Variants in DYNC2H1 observed in about 807,000 individuals in gnomAD.
DYNC2H1 encodes the protein cytoplasmic dynein 2 heavy chain 1.
A neutral mutation model predicts 570.0 loss-of-function variants in DYNC2H1; 410 were observed. That is an observed-to-expected ratio of 0.72 (90% confidence interval 0.66 to 0.78). The LOEUF (loss-of-function observed/expected upper bound fraction) is 0.78, where lower values mean the gene tolerates loss of function less well. DYNC2H1 is among the 30% of genes least tolerant of loss of function. The pLI, the probability that DYNC2H1 is intolerant of heterozygous loss-of-function variation, is 0.00. For synonymous variants in DYNC2H1, 1,688 were observed against 1,677.6 expected, an observed-to-expected ratio of 1.01 and a Z score of -0.15; for missense variants, 4,865 against 5,046.4, an observed-to-expected ratio of 0.96 and a Z score of 1.09.
At position 103,277,722 on chromosome 11, in the gene DYNC2H1, C is replaced by T. The variant is rs1865968798; in HGVS notation, c.10696-2626C>T. 6.6e-6 allele frequency among the ~76,000 whole-genome samples: 1 copy of T among 152,100 alleles called. No individual in the cohort carries two copies. The highest frequency in any genetic ancestry group is 2.1e-4 in the South Asian group (1 of 4,826). ...GCTTGCCTCGACTCTTACCAGGTAA[C>T]CTAGTGACATCATGATTAGTTCTGT... On this transcript the variant is annotated intron_variant, in intron 70 of 88. Coordinates refer to ENST00000375735, the MANE Select transcript of DYNC2H1 (RefSeq NM_001377.3). This position sits in a 1 kb window ranked among gnomAD's most constrained non-coding sequence, Gnocchi z 4.3.
chr11:103,368,177 G>A (rs908979066), intron 83 of DYNC2H1, among the ~76,000 whole-genome samples: 1 of 152,146 alleles, frequency 6.6e-6, no homozygotes, highest in African/African-American at 2.4e-5. Flanking sequence ...AGAAAACTCT[G>A]TACTTTTAAA....
chr11:103,114,372 G>T, intron 3 of DYNC2H1, 134 bp downstream of exon 3: 3 of 1,018,016 alleles, frequency 2.9e-6, no homozygotes, highest in South Asian at 4.0e-5. Flanking sequence ...TAAAAAATGA[G>T]TAGATTTATG....
rs1190958452 is a variant in DYNC2H1, at chr11:103,153,372, G to A, written c.3166G>A (p.Ala1056Thr). 6.5e-7 allele frequency: 1 copy of A among 1,549,044 alleles called. No homozygotes were observed. The highest frequency in any genetic ancestry group is 8.7e-7 in the Non-Finnish European group (1 of 1,146,400). The change falls in exon 22 of 89, where the codon GCT (alanine) becomes ACT (threonine). Residue 1056 changes from alanine to threonine, a missense_variant. Physicochemically the swap from Ala to Thr is moderately conservative, Grantham distance 58 (BLOSUM62 0). This residue lies in a region of DYNC2H1 where 1,936 missense variants were observed against 1,962.1 expected (regional missense o/e 0.99). Coordinates refer to ENST00000375735, the MANE Select transcript of DYNC2H1 (RefSeq NM_001377.3). Reference protein sequence around the residue: ...IYYQELEKFKARWDQLKPGDD... With the variant: ...IYYQELEKFKTRWDQLKPGDD... ...TTATCAAGAACTGGAAAAATTTAAA[G>A]CTCGTTGGGACCAACTAAAGCCTGG...
Position 103,310,424 on chromosome 11 carries a change from C to G in DYNC2H1, c.11494-1454C>G, listed in dbSNP as rs1867521773. On this transcript the variant is annotated intron_variant, in intron 78 of 88. Transcript: ENST00000375735. ...TAGTATTTTTGTTTCATTTATTTTT[C>G]AGTCTGTACTTATATGTGATTTTCT... Among the ~76,000 whole-genome samples, 3 of 151,794 alleles carry G rather than the reference C, an allele frequency of 2.0e-5. No individual in the cohort carries two copies. In the South Asian group the frequency reaches 6.2e-4, roughly 31 times the overall value.
chr11:103,384,063 T>G (rs193077953), intron 83 of DYNC2H1, among the ~76,000 whole-genome samples: 1 of 152,342 alleles, frequency 6.6e-6, no homozygotes, highest in Admixed American at 6.5e-5. Flanking sequence ...TGGCCCACTA[T>G]GCAATAACAT....
At chr11:103,313,993 A>G (rs1937661746) in intron 79 of DYNC2H1, among the ~76,000 whole-genome samples, 1 of 152,190 alleles carries the variant, frequency 6.6e-6, no homozygotes, top group Non-Finnish European at 1.5e-5. Context: ...TAATATATCA[A>G]TTAATCCTGA....
In DYNC2H1 at chr11:103,157,836, A is replaced by G. The variant is rs1179196416; in HGVS notation, c.4128-841A>G. 1.3e-5 allele frequency among the ~76,000 whole-genome samples: 2 copies of G among 151,922 alleles called. No homozygotes were observed. Among genetic ancestry groups the G allele is most frequent in the Non-Finnish European group, 2.9e-5 (2 of 67,982 alleles). On this transcript the variant is annotated intron_variant, in intron 26 of 88. Transcript: ENST00000375735. This position sits in a 1 kb window ranked among gnomAD's most constrained non-coding sequence, Gnocchi z 4.2. ...TGATCTGCTCCTTGTTCATTTCTCT[A>G]TCCTTTTCTTGTGCTGCTCTCCATT...
intron 85 of DYNC2H1, among the ~76,000 whole-genome samples, chr11:103,450,931 C>T (rs541201839): frequency 1.3e-5 from 2 of 152,192 alleles, no homozygotes; most frequent in East Asian, 1.9e-4. Flanking sequence ...TAGGTTCATA[C>T]TGTGTATACA....
Position 103,446,606 on chromosome 11 carries a change from A to G in DYNC2H1, c.12457-8580A>G, listed in dbSNP as rs1266436586. Among the ~76,000 whole-genome samples, 2 of 152,214 alleles carry G rather than the reference A, an allele frequency of 1.3e-5. No homozygotes were observed. Among genetic ancestry groups the G allele is most frequent in the Non-Finnish European group, 2.9e-5 (2 of 68,036 alleles). On this transcript the variant is annotated intron_variant, in intron 85 of 88. Transcript: ENST00000375735. This position sits in a 1 kb window ranked among gnomAD's most constrained non-coding sequence, Gnocchi z 4.5. ...GACAGTTTTTTCAGGGAGTTGTGTT[A>G]TGAAGTAACACAGATGAATAGAGTG... is the stretch of plus-strand genomic sequence containing the variant.
intron 83 of DYNC2H1, among the ~76,000 whole-genome samples, chr11:103,372,788 A>AT (rs1941226252): frequency 1.3e-5 from 2 of 151,872 alleles, no homozygotes; most frequent in African/African-American, 4.8e-5. Context: ...CTTCCTCTTT[A>AT]TTTTTTTGGA....
chr11:103,122,960 G>A lies in DYNC2H1; in HGVS notation c.1621G>A (p.Asp541Asn), dbSNP rs530579017. 2.5e-6 allele frequency: 4 copies of A among 1,591,256 alleles called. No individual in the cohort carries two copies. In the South Asian group the frequency reaches 3.5e-5, roughly 14 times the overall value. The change falls in exon 11 of 89, where the codon GAT (aspartate) becomes AAT (asparagine). Residue 541 changes from aspartate to asparagine, a missense_variant. By Grantham distance (23) the Asp-to-Asn change is conservative. Coordinates refer to ENST00000375735, the MANE Select transcript of DYNC2H1 (RefSeq NM_001377.3). ...EQEQFDDWSRDIQSGLSDSRS... is the reference protein window; with the variant it reads ...EQEQFDDWSRNIQSGLSDSRS... The stretch of plus-strand genomic sequence containing the variant: ...GGAACAATTTGATGATTGGTCCAGG[G>A]ATATTCAATCAGGTTTATCTGATTC...
chr11:103,173,618 T>C (rs530241596), intron 35 of DYNC2H1, among the ~76,000 whole-genome samples: 90 of 152,228 alleles, frequency 5.9e-4, no homozygotes, highest in Non-Finnish European at 1.1e-3. Context: ...ACTACTGTTC[T>C]TTGGAAAGAA....
chr11:103,445,628 G>A lies in DYNC2H1; in HGVS notation c.12457-9558G>A, dbSNP rs114509174. ...ATTTGGCTATGGGGCATGGGAGAGA[G>A]ATATCAAACGTGATTTCAAAGTTTT... On this transcript the variant is annotated intron_variant, in intron 85 of 88. Coordinates refer to ENST00000375735, the MANE Select transcript of DYNC2H1 (RefSeq NM_001377.3). 4.9e-3 allele frequency among the ~76,000 whole-genome samples: 741 copies of A among 152,190 alleles called. 3 individuals carry two copies. Among genetic ancestry groups the A allele is most frequent in the African/African-American group, 0.017 (709 of 41,550 alleles).
intron 84 of DYNC2H1, among the ~76,000 whole-genome samples, chr11:103,411,801 G>T (rs1332668310): frequency 1.3e-5 from 2 of 151,744 alleles, no homozygotes; most frequent in Non-Finnish European, 1.5e-5. Context: ...ATTTATGTAG[G>T]ATGCAGATAA....
At position 103,369,725 on chromosome 11, in the gene DYNC2H1, C is replaced by T. The variant is rs914457451; in HGVS notation, c.12156+11366C>T. Among the ~76,000 whole-genome samples the T allele has an allele frequency of 2.6e-5, 4 of 152,192 alleles. No individual in the cohort carries two copies. The East Asian group carries it at 7.7e-4, about 29-fold the overall frequency. On this transcript the variant is annotated intron_variant, in intron 83 of 88. Coordinates refer to ENST00000375735, the MANE Select transcript of DYNC2H1 (RefSeq NM_001377.3). The surrounding 1 kb of genome is among the most constrained non-coding windows in gnomAD (Gnocchi z 4.0). Reference sequence around the variant, plus strand: ...GACACTCACTGCATCAGAAAGCAACCTGCTGCCTTGAAGGGAAGTACCCAA... The same window carrying T: ...GACACTCACTGCATCAGAAAGCAACTTGCTGCCTTGAAGGGAAGTACCCAA...
At chr11:103,148,723 A>G in intron 20 of DYNC2H1, 106 bp downstream of exon 20, 1 of 1,340,808 alleles carries the variant, frequency 7.5e-7, no homozygotes, top group Admixed American at 2.5e-5. Context: ...TCTCAACATT[A>G]TAAGGAGGTC....
chr11:103,456,497 A>G, intron 87 of DYNC2H1, 141 bp downstream of exon 87: 2 of 557,988 alleles, frequency 3.6e-6, no homozygotes, highest in Non-Finnish European at 5.8e-6. Flanking sequence ...GTGAAAAATC[A>G]AAATAAGATT....
intron 82 of DYNC2H1, among the ~76,000 whole-genome samples, chr11:103,357,176 C>T (rs922380149): frequency 2.0e-5 from 3 of 151,818 alleles, no homozygotes; most frequent in Non-Finnish European, 4.4e-5. Context: ...CGATCATTAA[C>T]AAATGATTAA....
At chr11:103,353,793 CTGT>C (rs1164248806) in intron 82 of DYNC2H1, among the ~76,000 whole-genome samples, 3 of 151,900 alleles carry the variant, frequency 2.0e-5, no homozygotes, top group Non-Finnish European at 4.4e-5. Context: ...ATATTTTTAG[CTGT>C]TGTTTTTAAG....
Sources: gnomAD v4.1 joint callset for allele counts (sites outside exome capture counted in the v4.1 genomes callset) on GRCh38, gnomAD v4.1.1 for gene constraint, gnomAD v4.1.1 regional missense constraint, Gnocchi (gnomAD v3.1) non-coding constraint, MANE v1.5 for transcripts, NCBI Gene and HGNC (gene_info 2026-07-23, HGNC 2026-07-21) for gene names.